IVNS1ABP: variants seen among roughly 807,000 people sequenced by gnomAD.
IVNS1ABP encodes influenza virus NS1A-binding protein.
A neutral mutation model predicts 78.9 loss-of-function variants in IVNS1ABP; 25 were observed. That is an observed-to-expected ratio of 0.32 (90% confidence interval 0.23 to 0.44). The LOEUF is 0.44. Ranked by LOEUF, IVNS1ABP falls within the 20% of genes least tolerant of loss-of-function variation. IVNS1ABP has a pLI of 1.00. For synonymous variants in IVNS1ABP, 241 were observed against 259.7 expected (o/e 0.93, Z 0.69); for missense variants, 494 against 768.9 (o/e 0.64, Z 4.23).
chr1:185,300,436 C>T lies in IVNS1ABP; in HGVS notation c.1242+1G>A. ...TTGCTCCTGCAACATAATGCGCTTA[C>T]CATGAGTACAGCCATTTGAAATCGG... On this transcript the variant is annotated splice_donor_variant, in intron 11 of 14. Transcript: ENST00000367498. LOFTEE classifies it high-confidence loss of function. The T allele has an allele frequency of 6.2e-7, 1 of 1,613,562 alleles. No homozygotes were observed.
At position 185,300,030 on chromosome 1, in the gene IVNS1ABP, C is replaced by T; in HGVS notation, c.1470G>A (p.Lys490=). 1 of 1,613,290 alleles carries T rather than the reference C, an allele frequency of 6.2e-7. No individual in the cohort carries two copies. The highest frequency in any genetic ancestry group is 1.3e-5 in the African/African-American group (1 of 74,932). The change falls in exon 13 of 15, where the codon AAG becomes AAA. Residue 490 remains lysine, a synonymous_variant. Coordinates refer to ENST00000367498, the MANE Select transcript of IVNS1ABP (RefSeq NM_006469.5). ...KNCDVFDPVT[K]LWTSCAPLNI... The stretch of plus-strand genomic sequence containing the variant: ...TAAGAGGGGCACAGCTTGTCCACAA[C>T]TTTGTTACAGGATCAAATACATCAC...
rs1571745489 is a variant in IVNS1ABP at position 185,307,105 on chromosome 1, G to A, written c.566C>T (p.Pro189Leu). Residue 189 changes from proline to leucine, a missense_variant, in exon 7 of 15, where the codon CCC becomes CTC. Physicochemically the swap from Pro to Leu is moderately conservative, Grantham distance 98. Coordinates refer to ENST00000367498, the MANE Select transcript of IVNS1ABP (RefSeq NM_006469.5). ...EVMLEDNVCL[P>L]SNGKLYTKVI... Reference sequence around the variant, plus strand: ...CTTTGTATATAATTTGCCATTGCTGGGCAAGCAAACATTATCTTCAAGCAT... The same window carrying A: ...CTTTGTATATAATTTGCCATTGCTGAGCAAGCAAACATTATCTTCAAGCAT... 1 of 1,613,412 alleles carries A rather than the reference G, an allele frequency of 6.2e-7. No individual in the cohort carries two copies. The highest frequency in any genetic ancestry group is 8.5e-7 in the Non-Finnish European group (1 of 1,179,528).
In IVNS1ABP at chr1:185,309,514, A is replaced by G. The variant is rs1665830006; in HGVS notation, c.-18-3T>C. The G allele has an allele frequency of 6.9e-7, 1 of 1,454,470 alleles. No individual in the cohort carries two copies. Among genetic ancestry groups the G allele is most frequent in the East Asian group, 2.3e-5 (1 of 44,014 alleles). 90.1% of individuals were successfully genotyped at this position (1,454,470 alleles called of 1,614,324 possible). On this transcript the variant is annotated splice_region_variant and splice_polypyrimidine_tract_variant and intron_variant, in intron 2 of 14. Transcript: ENST00000367498. ...ATCATTTTTCCTTATAAATTTGGCT[A>G]GATGATGAAAAGAAAGCTGAGTTAT...
intron 5 of IVNS1ABP, chr1:185,307,959 A>C (rs1665783357): frequency 6.5e-7 from 1 of 1,548,428 alleles, no homozygotes. Flanking sequence ...CAGTATCTGA[A>C]CTGGGCTCTA....
At position 185,307,697 on chromosome 1, in the gene IVNS1ABP, A is replaced by G. The variant is rs1665774720; in HGVS notation, c.358-35T>C. The G allele has an allele frequency of 5.7e-6, 9 of 1,576,256 alleles. No homozygotes were observed. In the Admixed American group the frequency reaches 8.6e-5, roughly 15 times the overall value. The stretch of plus-strand genomic sequence containing the variant: ...GAAATATATGAGTGCCAACACTTAC[A>G]TATCTTTTATTCAACAAATATTTAA... On this transcript the variant is annotated intron_variant, in intron 5 of 14. Coordinates refer to ENST00000367498, the MANE Select transcript of IVNS1ABP (RefSeq NM_006469.5).
rs762083799 is a variant in IVNS1ABP at position 185,316,962 on chromosome 1, C to T, written c.-256G>A. ...AACCAGCGCGTATTACCTGGTTCATCTCTGAAGAGATGGAAACATTCATTT... is the reference window on the plus strand; with the variant it reads ...AACCAGCGCGTATTACCTGGTTCATTTCTGAAGAGATGGAAACATTCATTT... On this transcript the variant is annotated 5_prime_UTR_variant, in exon 1 of 15. Coordinates refer to ENST00000367498, the MANE Select transcript of IVNS1ABP (RefSeq NM_006469.5). 3.5e-5 allele frequency: 14 copies of T among 398,500 alleles called. No homozygotes were observed. Among genetic ancestry groups the T allele is most frequent in the Non-Finnish European group, 4.9e-5 (11 of 226,086 alleles). The allele number at this position is 398,500 out of a possible 1,614,324, so 24.7% of individuals were successfully genotyped here. A position where few individuals can be genotyped will look rare whatever the true frequency, so the allele number is the denominator to read the frequency against.
In IVNS1ABP at chr1:185,305,815, A is replaced by C; in HGVS notation, c.658-172T>G. 1 of 694,720 alleles carries C rather than the reference A, an allele frequency of 1.4e-6. No individual in the cohort carries two copies. The highest frequency in any genetic ancestry group is 3.1e-5 in the East Asian group (1 of 32,314). The allele number at this position is 694,720 out of a possible 1,614,324, so 43.0% of individuals were successfully genotyped here. A position where few individuals can be genotyped will look rare whatever the true frequency, so the allele number is the denominator to read the frequency against. On this transcript the variant is annotated intron_variant, in intron 7 of 14. Coordinates refer to ENST00000367498, the MANE Select transcript of IVNS1ABP (RefSeq NM_006469.5). The surrounding 1 kb of genome is among the most constrained non-coding windows in gnomAD (Gnocchi z 4.0). ...AAAAATACATGTCATGGTGGTAAAA[A>C]TTAAAAAACAAAAACAAAAAACCAA... is the stretch of plus-strand genomic sequence containing the variant.
intron 8 of IVNS1ABP, among the ~76,000 whole-genome samples, chr1:185,303,479 G>A (rs536362408): frequency 2.0e-5 from 3 of 151,714 alleles, no homozygotes; most frequent in South Asian, 4.2e-4. Context: ...TGTGTCCCTC[G>A]CATCCTCTTC....
chr1:185,316,244 C>G (rs913788894), intron 1 of IVNS1ABP, among the ~76,000 whole-genome samples: 1 of 152,076 alleles, frequency 6.6e-6, no homozygotes, highest in African/African-American at 2.4e-5. Flanking sequence ...AGGCGAGGCC[C>G]CCAGCACCCG....
intron 1 of IVNS1ABP, among the ~76,000 whole-genome samples, chr1:185,315,983 T>A (rs1464316515): frequency 6.6e-6 from 1 of 152,166 alleles, no homozygotes; most frequent in East Asian, 1.9e-4. Context: ...CTCAAACCAA[T>A]AGATATGTCC....
rs908569207 is a variant in IVNS1ABP at position 185,297,803 on chromosome 1, A to G, written c.*232T>C. 4.7e-5 allele frequency: 24 copies of G among 512,264 alleles called. No individual in the cohort carries two copies. Among genetic ancestry groups the G allele is most frequent in the Non-Finnish European group, 6.2e-5 (18 of 291,610 alleles). 31.7% of individuals were successfully genotyped at this position (512,264 alleles called of 1,614,324 possible). A position where few individuals can be genotyped will look rare whatever the true frequency, so the allele number is the denominator to read the frequency against. On this transcript the variant is annotated 3_prime_UTR_variant, in exon 15 of 15. Coordinates refer to ENST00000367498, the MANE Select transcript of IVNS1ABP (RefSeq NM_006469.5). The stretch of plus-strand genomic sequence containing the variant: ...CAATTCTTGGTTTATTCTTTTCCAA[A>G]AAGTAAAATAACCAAAGTCTTAAAA...
rs1232015180 is a variant in IVNS1ABP, at chr1:185,305,176, A to C, written c.765+360T>G. ...TCCAAAAATTTCTTTCATAGCCATCAACAATTTAAGTCCCCCTGCCCCTTT... is the reference window on the plus strand; with the variant it reads ...TCCAAAAATTTCTTTCATAGCCATCCACAATTTAAGTCCCCCTGCCCCTTT... On this transcript the variant is annotated intron_variant, in intron 8 of 14. Transcript: ENST00000367498. This position sits in a 1 kb window ranked among gnomAD's most constrained non-coding sequence, Gnocchi z 4.0. 2.6e-5 allele frequency among the ~76,000 whole-genome samples: 4 copies of C among 152,174 alleles called. No individual in the cohort carries two copies. The highest frequency in any genetic ancestry group is 5.9e-5 in the Non-Finnish European group (4 of 68,016).
At chr1:185,316,690 C>T (rs1666041494) in intron 1 of IVNS1ABP, among the ~76,000 whole-genome samples, 1 of 152,178 alleles carries the variant, frequency 6.6e-6, no homozygotes, top group Non-Finnish European at 1.5e-5. Flanking sequence ...GGGCTCCAGC[C>T]TCCGCGCTCT....
intron 8 of IVNS1ABP, among the ~76,000 whole-genome samples, chr1:185,302,317 T>C (rs1330168523): frequency 6.6e-6 from 1 of 152,190 alleles, no homozygotes; most frequent in Non-Finnish European, 1.5e-5. Flanking sequence ...TGTGTTCTCA[T>C]GTATGAGTTT....
At chr1:185,300,786 A>G in intron 10 of IVNS1ABP, 186 bp downstream of exon 10, 1 of 685,718 alleles carries the variant, frequency 1.5e-6, no homozygotes, top group Non-Finnish European at 2.4e-6. Flanking sequence ...TTTAGCCATG[A>G]CATAATTTTT....
chr1:185,313,331 C>A (rs892698611), intron 1 of IVNS1ABP, among the ~76,000 whole-genome samples: 23 of 152,078 alleles, frequency 1.5e-4, no homozygotes, highest in African/African-American at 4.1e-4. Context: ...ACATCAAGGT[C>A]ATAATATGAA....
At chr1:185,304,610 T>C (rs1056879612) in intron 8 of IVNS1ABP, among the ~76,000 whole-genome samples, 2 of 152,152 alleles carry the variant, frequency 1.3e-5, no homozygotes, top group Non-Finnish European at 2.9e-5. Context: ...TAATTTGAGC[T>C]AAAGGCCAAA....
In IVNS1ABP at chr1:185,297,908, A is replaced by G; in HGVS notation, c.*127T>C. Reference sequence around the variant, plus strand: ...ATGTACAGCATGTTTAATAGTATGCAATATGCAAAAGCTTTGTGTTGCTGT... The same window carrying G: ...ATGTACAGCATGTTTAATAGTATGCGATATGCAAAAGCTTTGTGTTGCTGT... On this transcript the variant is annotated 3_prime_UTR_variant, in exon 15 of 15. Coordinates refer to ENST00000367498, the MANE Select transcript of IVNS1ABP (RefSeq NM_006469.5). The G allele has an allele frequency of 1.2e-6, 1 of 843,714 alleles. No individual in the cohort carries two copies. Among genetic ancestry groups the G allele is most frequent in the Non-Finnish European group, 1.9e-6 (1 of 529,638 alleles). The allele number at this position is 843,714 out of a possible 1,614,324, so 52.3% of individuals were successfully genotyped here.
chr1:185,303,190 T>G (rs1665646073), intron 8 of IVNS1ABP, among the ~76,000 whole-genome samples: 1 of 152,076 alleles, frequency 6.6e-6, no homozygotes, highest in Non-Finnish European at 1.5e-5. Context: ...ATGTACAAAC[T>G]ATAATTAAGA....
Sources: allele counts gnomAD v4.1 joint callset (sites outside exome capture counted in the v4.1 genomes callset), GRCh38; gene constraint gnomAD v4.1.1; non-coding constraint Gnocchi (gnomAD v3.1); transcripts MANE v1.5; gene names NCBI Gene and HGNC (gene_info 2026-07-23, HGNC 2026-07-21).